Variants in PPP4R4 observed in about 807,000 individuals in gnomAD.
The protein encoded by PPP4R4 is serine/threonine-protein phosphatase 4 regulatory subunit 4.
In PPP4R4, 70 loss-of-function variants were observed where a neutral mutation model predicts 121.8. The observed-to-expected ratio is 0.57, with a 90% CI of 0.47 to 0.70. The LOEUF is 0.70. PPP4R4 is among the 30% of genes least tolerant of loss of function. The pLI is 0.00. For synonymous variants in PPP4R4, 348 were observed against 355.7 expected, an observed-to-expected ratio of 0.98 and a Z score of 0.24; for missense variants, 875 against 1,033.6, an observed-to-expected ratio of 0.85 and a Z score of 2.10.
Position 94,245,655 on chromosome 14 carries a change from T to C in PPP4R4, c.1413T>C (p.Ser471=). 6.3e-7 allele frequency: 1 copy of C among 1,593,644 alleles called. No individual in the cohort carries two copies. The highest frequency in any genetic ancestry group is 8.6e-7 in the Non-Finnish European group (1 of 1,164,072). ...LELMSTGGES[S]VQENKLSSLP... is the part of the protein sequence containing the mutation. Reference sequence around the variant, plus strand: ...TTATGTCTACTGGTGGAGAAAGCAGTGTTCAAGAAAATAAGGTAAACTTCA... The same window carrying C: ...TTATGTCTACTGGTGGAGAAAGCAGCGTTCAAGAAAATAAGGTAAACTTCA... The change falls in exon 13 of 25, where the codon AGT becomes AGC. Residue 471 remains serine, a synonymous_variant. Transcript: ENST00000304338.
At chr14:94,174,963 C>T (rs1399991915) in intron 1 of PPP4R4, among the ~76,000 whole-genome samples, 1 of 122,462 alleles carries the variant, frequency 8.2e-6, no homozygotes, top group Non-Finnish European at 1.8e-5. Flanking sequence ...TCGCGGACCC[C>T]CTTCCTTCCG....
At chr14:94,197,952 G>T (rs1171007027) in intron 2 of PPP4R4, among the ~76,000 whole-genome samples, 2 of 152,080 alleles carry the variant, frequency 1.3e-5, no homozygotes, top group Non-Finnish European at 2.9e-5. Context: ...ACTTGTTAGT[G>T]AACATCTGGA....
intron 14 of PPP4R4, among the ~76,000 whole-genome samples, chr14:94,247,183 C>T (rs1274088792): frequency 6.6e-6 from 1 of 152,230 alleles, no homozygotes; most frequent in East Asian, 1.9e-4. Context: ...TTATTTAACT[C>T]ATAATTCACT....
chr14:94,208,543 C>A lies in PPP4R4; in HGVS notation c.271C>A (p.Arg91=), dbSNP rs775143285. The change falls in exon 3 of 25, where the codon CGG becomes AGG. Residue 91 remains arginine (R), a synonymous_variant. Coordinates refer to ENST00000304338, the MANE Select transcript of PPP4R4 (RefSeq NM_058237.2). The stretch of plus-strand genomic sequence containing the variant: ...GCGACAGAATCCCACTGAGACGCTT[C>A]GGAGAGTGTTGCCAAAAGTCAGAGT... ...LMRQNPTETL[R]RVLPKVREAL... The A allele has an allele frequency of 6.2e-6, 10 of 1,609,930 alleles. No individual in the cohort carries two copies. In the African/African-American group the frequency reaches 1.3e-4, roughly 22 times the overall value.
At position 94,231,133 on chromosome 14, in the gene PPP4R4, T is replaced by C. The variant is rs1463138191; in HGVS notation, c.443-109T>C. On this transcript the variant is annotated intron_variant, in intron 4 of 24. Transcript: ENST00000304338. ...AAACTTTTTAGAATAGTAATGAAAA[T>C]AATTATTTCCATTTTATCATTAAGT... is the stretch of plus-strand genomic sequence containing the variant. 3.6e-6 allele frequency: 3 copies of C among 826,480 alleles called. No individual in the cohort carries two copies. The East Asian group carries it at 8.1e-5, about 22-fold the overall frequency. The allele number at this position is 826,480 out of a possible 1,614,324, so 51.2% of individuals were successfully genotyped here.
chr14:94,185,642 C>T (rs918096913), intron 2 of PPP4R4, among the ~76,000 whole-genome samples: 9 of 152,128 alleles, frequency 5.9e-5, no homozygotes, highest in African/African-American at 2.2e-4. Flanking sequence ...TGTTGCTGCC[C>T]TTTTAAATCA....
At chr14:94,247,795 G>A (rs946536979) in intron 14 of PPP4R4, among the ~76,000 whole-genome samples, 1 of 152,120 alleles carries the variant, frequency 6.6e-6, no homozygotes, top group African/African-American at 2.4e-5. Context: ...CACATAAACA[G>A]GATTAAAAGC....
chr14:94,236,203 G>A lies in PPP4R4; in HGVS notation c.732-1362G>A, dbSNP rs551064925. Among the ~76,000 whole-genome samples, 32 of 152,054 alleles carry A rather than the reference G, an allele frequency of 2.1e-4. No individual in the cohort carries two copies. In the East Asian group the frequency reaches 6.2e-3, roughly 29 times the overall value. ...TGTTATGATTATTTTCTTTTTTAAT[G>A]CCCAGAGATAATTAAGTTGAATTTG... On this transcript the variant is annotated intron_variant, in intron 7 of 24. Coordinates refer to ENST00000304338, the MANE Select transcript of PPP4R4 (RefSeq NM_058237.2).
intron 2 of PPP4R4, among the ~76,000 whole-genome samples, chr14:94,207,974 T>G (rs1468824662): frequency 6.6e-6 from 1 of 151,826 alleles, no homozygotes; most frequent in Non-Finnish European, 1.5e-5. Flanking sequence ...TGACATGGAG[T>G]CAAATCTAGT....
chr14:94,192,080 C>T (rs1889633084), intron 2 of PPP4R4, among the ~76,000 whole-genome samples: 1 of 152,120 alleles, frequency 6.6e-6, no homozygotes. Flanking sequence ...TTGTATAGCA[C>T]ATAGTAGGCC....
chr14:94,204,667 T>C (rs1159983473), intron 2 of PPP4R4, among the ~76,000 whole-genome samples: 1 of 152,150 alleles, frequency 6.6e-6, no homozygotes, highest in African/African-American at 2.4e-5. Flanking sequence ...GTATACCACT[T>C]TGGGGAGAAT....
intron 4 of PPP4R4, 49 bp downstream of exon 4, chr14:94,230,783 T>A: frequency 5.2e-6 from 8 of 1,524,810 alleles, no homozygotes; most frequent in Non-Finnish European, 7.2e-6. Flanking sequence ...TGTTTTTTTG[T>A]GTATGGCCAT....
chr14:94,182,207 T>C (rs1194183975), intron 2 of PPP4R4, among the ~76,000 whole-genome samples: 2 of 152,178 alleles, frequency 1.3e-5, no homozygotes, highest in Non-Finnish European at 2.9e-5. Context: ...CCTTTATAGA[T>C]TTAAAAAAGT....
At chr14:94,210,613 C>T (rs1330582257) in intron 3 of PPP4R4, among the ~76,000 whole-genome samples, 5 of 152,004 alleles carry the variant, frequency 3.3e-5, no homozygotes, top group East Asian at 1.9e-4. Context: ...TGCTGTACTC[C>T]GTTTAAAAGA....
Position 94,275,363 on chromosome 14 carries a change from A to G in PPP4R4, c.2450-11A>G, listed in dbSNP as rs775413440. 1.6e-5 allele frequency: 26 copies of G among 1,613,234 alleles called. No individual in the cohort carries two copies. The highest frequency in any genetic ancestry group is 2.0e-5 in the Non-Finnish European group (24 of 1,179,484). On this transcript the variant is annotated splice_polypyrimidine_tract_variant and intron_variant, in intron 23 of 24. Transcript: ENST00000304338. ...ATTTGGTATGTCTGACTTTATATGT[A>G]TTGCTTTCAGATGATTCATTCCGGA...
At chr14:94,213,719 A>G (rs1395490049) in intron 3 of PPP4R4, among the ~76,000 whole-genome samples, 1 of 152,188 alleles carries the variant, frequency 6.6e-6, no homozygotes, top group East Asian at 1.9e-4. Context: ...AGCAACCACC[A>G]AAAGCTGAAA....
intron 2 of PPP4R4, among the ~76,000 whole-genome samples, chr14:94,192,720 T>A (rs1251812484): frequency 6.6e-6 from 1 of 152,204 alleles, no homozygotes; most frequent in East Asian, 1.9e-4. Context: ...TAGTACTGAC[T>A]GATTATGTCA....
At chr14:94,276,735 C>T (rs905984392) in intron 24 of PPP4R4, among the ~76,000 whole-genome samples, 3 of 152,120 alleles carry the variant, frequency 2.0e-5, no homozygotes, top group Non-Finnish European at 4.4e-5. Flanking sequence ...GGACAAACAT[C>T]CAAACTATGT....
rs1175430004 is a variant in PPP4R4 at position 94,176,115 on chromosome 14, T to G, written c.179T>G (p.Val60Gly). ...DEDLSDIERA[V>G]YLLSAGQDVQ... is the part of the protein sequence containing the mutation. ...GACCTCAGTGATATTGAAAGGGCTG[T>G]TTATCTGCTCAGGTATTTCCTAGTC... Residue 60 changes from valine to glycine, a missense_variant, in exon 2 of 25, where the codon GTT becomes GGT. Coordinates refer to ENST00000304338, the MANE Select transcript of PPP4R4 (RefSeq NM_058237.2). 6.2e-7 allele frequency: 1 copy of G among 1,609,708 alleles called. No homozygotes were observed. Among genetic ancestry groups the G allele is most frequent in the Non-Finnish European group, 8.5e-7 (1 of 1,175,876 alleles).
Sources: gnomAD v4.1 joint callset for allele counts (sites outside exome capture counted in the v4.1 genomes callset) on GRCh38, gnomAD v4.1.1 for gene constraint, MANE v1.5 for transcripts, NCBI Gene and HGNC (gene_info 2026-07-23, HGNC 2026-07-21) for gene names.